The following ANKMY1 variants were observed in gnomAD, a reference collection of about 807,000 sequenced individuals.
The protein encoded by ANKMY1 is ankyrin repeat and MYND domain containing 1.
In ANKMY1, 98 loss-of-function variants were observed where a neutral mutation model predicts 102.0. The observed-to-expected ratio is 0.96, with a 90% CI of 0.82 to 1.14. ANKMY1 has a LOEUF of 1.14. Among genes scored for constraint, ANKMY1 ranks in the 50% most tolerant of loss-of-function variants. The pLI is 0.00. For synonymous variants in ANKMY1, 582 were observed against 559.9 expected (o/e 1.04, Z -0.56); for missense variants, 1,330 against 1,347.6 (o/e 0.99, Z 0.20).
chr2:240,530,360 G>T (rs1250620255), intron 4 of ANKMY1, among the ~76,000 whole-genome samples: 1 of 152,144 alleles, frequency 6.6e-6, no homozygotes, highest in Non-Finnish European at 1.5e-5. Flanking sequence ...GGGTCACAGG[G>T]GTGTGTCCTT....
rs749227590 is a variant in ANKMY1, at chr2:240,499,616, C to T, written c.2806+342G>A. Among the ~76,000 whole-genome samples, 12 of 152,096 alleles carry T rather than the reference C, an allele frequency of 7.9e-5. No individual in the cohort carries two copies. Among genetic ancestry groups the T allele is most frequent in the East Asian group, 3.9e-4 (2 of 5,164 alleles). ...TGCAGGGGAGCAGCACCCCAGGCCT[C>T]GGGCCCACAGTCCCTGTGCCGGATA... On this transcript the variant is annotated intron_variant, in intron 15 of 17. Coordinates refer to ENST00000401804, the MANE Select transcript of ANKMY1 (RefSeq NM_001282771.3). This position sits in a 1 kb window ranked among gnomAD's most constrained non-coding sequence, Gnocchi z 4.2.
chr2:240,523,735 GCCA>G, intron 8 of ANKMY1, 147 bp downstream of exon 8: 1 of 1,304,850 alleles, frequency 7.7e-7, no homozygotes, highest in Non-Finnish European at 1.0e-6. Context: ...ATGGCGTGGA[GCCA>G]CCGACACAGG....
chr2:240,550,144 A>C (rs2125050606), intron 4 of ANKMY1, among the ~76,000 whole-genome samples: 1 of 152,244 alleles, frequency 6.6e-6, no homozygotes, highest in South Asian at 2.1e-4. Flanking sequence ...AGACTGGATT[A>C]AGAAAATGTG....
intron 4 of ANKMY1, among the ~76,000 whole-genome samples, chr2:240,540,535 T>A (rs1559362398): frequency 6.6e-6 from 1 of 152,168 alleles, no homozygotes; most frequent in East Asian, 1.9e-4. Flanking sequence ...TCCAGGCCCC[T>A]CATTCACCAT....
chr2:240,482,750 T>C (rs182992776), intron 15 of ANKMY1, among the ~76,000 whole-genome samples: 5 of 152,354 alleles, frequency 3.3e-5, no homozygotes, highest in African/African-American at 1.2e-4. Flanking sequence ...CCAGTATGCT[T>C]GAGAAGAACA....
upstream of ANKMY1, chr2:240,558,061 C>G: frequency 1.2e-6 from 1 of 865,584 alleles, no homozygotes; most frequent in Non-Finnish European, 1.4e-6. Context: ...GCCAATCCCC[C>G]CGCCAGGACG....
Position 240,529,323 on chromosome 2 carries a change from G to A in ANKMY1, c.667C>T (p.Leu223Phe), listed in dbSNP as rs768895122. The change falls in exon 5 of 18, where the codon CTC (leucine) becomes TTC (phenylalanine). Residue 223 changes from leucine (L) to phenylalanine (F), a missense_variant. Transcript: ENST00000401804. The surrounding 1 kb of genome is among the most constrained non-coding windows in gnomAD (Gnocchi z 4.2). ...FITHSPARIS[L>F]SEEEKTEWGL... Reference sequence around the variant, plus strand: ...CACTCCGTTTTCTCCTCTTCTGAGAGGCTGATCCTGGCAGGGCTGTGGGTG... The same window carrying A: ...CACTCCGTTTTCTCCTCTTCTGAGAAGCTGATCCTGGCAGGGCTGTGGGTG... 2 of 1,614,088 alleles carry A rather than the reference G, an allele frequency of 1.2e-6. No individual in the cohort carries two copies. Among genetic ancestry groups the A allele is most frequent in the South Asian group, 1.1e-5 (1 of 91,096 alleles).
chr2:240,544,978 C>T (rs919945609), intron 4 of ANKMY1, among the ~76,000 whole-genome samples: 31 of 151,940 alleles, frequency 2.0e-4, no homozygotes, highest in Admixed American at 9.8e-4. Context: ...ACAAAGCAGC[C>T]GGGAAGCTCC....
rs551370062 is a variant in ANKMY1, at chr2:240,520,863, C to T, written c.1833-330G>A. Among the ~76,000 whole-genome samples, 14 of 150,650 alleles carry T rather than the reference C, an allele frequency of 9.3e-5. No homozygotes were observed. Among genetic ancestry groups the T allele is most frequent in the East Asian group, 3.9e-4 (2 of 5,110 alleles). On this transcript the variant is annotated intron_variant, in intron 8 of 17. Coordinates refer to ENST00000401804, the MANE Select transcript of ANKMY1 (RefSeq NM_001282771.3). This position sits in a 1 kb window ranked among gnomAD's most constrained non-coding sequence, Gnocchi z 4.8. The stretch of plus-strand genomic sequence containing the variant: ...CCAGAGCGCACACACCATAGCACAG[C>T]GCACACCACACAGTACGCACACGGC...
chr2:240,481,487 C>A (rs1304666644), intron 16 of ANKMY1, among the ~76,000 whole-genome samples: 2 of 152,166 alleles, frequency 1.3e-5, no homozygotes, highest in Non-Finnish European at 2.9e-5. Context: ...TCTTCGAGGG[C>A]AGGGCATGGA....
At chr2:240,483,497 A>G (rs1477606833) in intron 15 of ANKMY1, among the ~76,000 whole-genome samples, 1 of 152,228 alleles carries the variant, frequency 6.6e-6, no homozygotes, top group Non-Finnish European at 1.5e-5. Context: ...TAAACAGCAC[A>G]TAGATGGATC....
intron 13 of ANKMY1, among the ~76,000 whole-genome samples, chr2:240,501,696 G>A (rs1387844606): frequency 3.3e-5 from 5 of 152,226 alleles, no homozygotes; most frequent in South Asian, 2.1e-4. Flanking sequence ...ACAACGCCTC[G>A]GGCATGGCAC....
chr2:240,513,875 A>G (rs1324372698), intron 9 of ANKMY1, among the ~76,000 whole-genome samples: 1 of 152,268 alleles, frequency 6.6e-6, no homozygotes, highest in East Asian at 1.9e-4. Flanking sequence ...GAGAGGACAG[A>G]AAAGAGAATA....
intron 4 of ANKMY1, among the ~76,000 whole-genome samples, chr2:240,550,422 G>T (rs1477695809): frequency 6.6e-6 from 1 of 150,824 alleles, no homozygotes; most frequent in Admixed American, 6.6e-5. Flanking sequence ...TAGATGACGA[G>T]TTAGTGGGTG....
intron 4 of ANKMY1, among the ~76,000 whole-genome samples, chr2:240,537,957 G>A (rs2087302657): frequency 6.6e-6 from 1 of 152,200 alleles, no homozygotes; most frequent in African/African-American, 2.4e-5. Context: ...CCTTCCTTTT[G>A]CTGTCCATAC....
chr2:240,493,072 C>T (rs1171772841), intron 15 of ANKMY1, among the ~76,000 whole-genome samples: 1 of 151,990 alleles, frequency 6.6e-6, no homozygotes, highest in Non-Finnish European at 1.5e-5. Flanking sequence ...ACCTGTAATC[C>T]CAACACTTTG....
At chr2:240,539,151 T>C (rs753592171) in intron 4 of ANKMY1, among the ~76,000 whole-genome samples, 8 of 151,430 alleles carry the variant, frequency 5.3e-5, no homozygotes, top group Non-Finnish European at 1.0e-4. Context: ...CTTTGTTCTT[T>C]CGCTCTTTGC....
chr2:240,557,466 T>G (rs939287738), intron 1 of ANKMY1, 114 bp from the exon 2 acceptor site: 26 of 1,264,876 alleles, frequency 2.1e-5, no homozygotes, highest in Non-Finnish European at 2.6e-5. Flanking sequence ...AGCCCCTCCC[T>G]GAACCGCGCC....
chr2:240,542,867 ATTAAGTAAATTATTTAATTAC>A (rs1452331826), intron 4 of ANKMY1, among the ~76,000 whole-genome samples: 2 of 150,458 alleles, frequency 1.3e-5, no homozygotes, highest in Admixed American at 6.6e-5. Context: ...ATGAATTGAA[ATTAAGTAAATTATTTAATTAC>A]TTAAGTAAAT....
Sources: allele counts gnomAD v4.1 joint callset (sites outside exome capture counted in the v4.1 genomes callset), GRCh38; gene constraint gnomAD v4.1.1; non-coding constraint Gnocchi (gnomAD v3.1); transcripts MANE v1.5; gene names NCBI Gene and HGNC (gene_info 2026-07-23, HGNC 2026-07-21).